ZNF678: variants seen among roughly 807,000 people sequenced by gnomAD.
ZNF678 encodes the protein hypothetical protein MGC42493.
A neutral mutation model predicts 3.0 loss-of-function variants in ZNF678; 5 were observed. The observed-to-expected ratio is 1.69, with a 90% CI of 0.88 to 3.56. ZNF678 has a LOEUF of 3.56. Among genes scored for constraint, ZNF678 ranks in the 30% most tolerant of loss-of-function variants. The pLI is 0.00. For synonymous variants in ZNF678, 218 were observed against 199.6 expected (o/e 1.09, Z -0.78); for missense variants, 593 against 605.0 (o/e 0.98, Z 0.21).
At chr1:227,594,582 T>C (rs1476082926) in intron 1 of ZNF678, among the ~76,000 whole-genome samples, 1 of 152,254 alleles carries the variant, frequency 6.6e-6, no homozygotes, top group Non-Finnish European at 1.5e-5. Context: ...ATACATATTT[T>C]TAACCTTTTG....
chr1:227,639,351 T>C (rs1048091146), intron 1 of ZNF678, among the ~76,000 whole-genome samples: 2 of 152,196 alleles, frequency 1.3e-5, no homozygotes, highest in African/African-American at 2.4e-5. Context: ...GTTTTTGCCT[T>C]TTACTTTCCC....
At chr1:227,663,106 A>C (rs1249170615), downstream of ZNF678, among the ~76,000 whole-genome samples, 1 of 152,180 alleles carries the variant, frequency 6.6e-6, no homozygotes, top group Non-Finnish European at 1.5e-5. Context: ...GGAAGACAGC[A>C]ATCTACTAGT....
At chr1:227,574,941 T>G (rs554728019) in intron 1 of ZNF678, among the ~76,000 whole-genome samples, 1 of 142,584 alleles carries the variant, frequency 7.0e-6, no homozygotes, top group East Asian at 2.0e-4. Context: ...GCTTATGGGG[T>G]TTTTTGTTGT....
At chr1:227,625,369 G>A (rs1250490076) in intron 1 of ZNF678, among the ~76,000 whole-genome samples, 2 of 152,152 alleles carry the variant, frequency 1.3e-5, no homozygotes, top group Non-Finnish European at 2.9e-5. Context: ...CCTGGTAGGG[G>A]TTGTGCAGTT....
At chr1:227,572,505 C>T (rs1482136737) in intron 1 of ZNF678, among the ~76,000 whole-genome samples, 5 of 152,096 alleles carry the variant, frequency 3.3e-5, no homozygotes, top group East Asian at 1.9e-4. Context: ...CAAAGGAGGT[C>T]GGTAAGGGGA....
rs1193636702 is a variant in ZNF678 at position 227,655,766 on chromosome 1, A to T, written c.1516A>T (p.Lys506Ter). 3.1e-6 allele frequency: 5 copies of T among 1,609,294 alleles called. No homozygotes were observed. The highest frequency in any genetic ancestry group is 4.2e-6 in the Non-Finnish European group (5 of 1,178,014). ...TTTTTACCAATCCTCAATCCATAGT[A>T]AGTATAAGAGAATTTATACTGGAGA... ...KGFYQSSIHS[K>*]YKRIYTGEEP... is the part of the protein sequence containing the mutation. The change falls in exon 4 of 4, where the codon AAG becomes TAG. Residue 506 changes from lysine to a stop codon, truncating the protein, a stop_gained. Transcript: ENST00000343776. LOFTEE classifies it low-confidence loss of function (END_TRUNC).
In ZNF678 at chr1:227,643,621, G is replaced by A. The variant is rs530426901; in HGVS notation, c.-163-2923G>A. On this transcript the variant is annotated intron_variant, in intron 1 of 3. Coordinates refer to ENST00000343776, the MANE Select transcript of ZNF678 (RefSeq NM_001367909.1). ...AAATCCAAACAGATAAATGGGAGCC[G>A]AAGACTATATTTTGGTGCCTTAATT... 1.8e-4 allele frequency among the ~76,000 whole-genome samples: 27 copies of A among 152,232 alleles called. 1 individual carries two copies. The highest frequency in any genetic ancestry group is 7.7e-4 in the East Asian group (4 of 5,184).
chr1:227,640,038 GTGGGGCATGGGCCAAAGATGGTGCC>G (rs1277102046), intron 1 of ZNF678, among the ~76,000 whole-genome samples: 1 of 152,222 alleles, frequency 6.6e-6, no homozygotes, highest in Non-Finnish European at 1.5e-5. Context: ...TGAAATAAGG[GTGGGGCATGGGCCAAAGATGGTGCC>G]TGAGCGAGTA....
intron 5 of ZNF678, among the ~76,000 whole-genome samples, chr1:227,670,931 A>C (rs1279206196): frequency 1.3e-5 from 2 of 149,896 alleles, no homozygotes; most frequent in Non-Finnish European, 1.5e-5. Context: ...AATCCTTCTC[A>C]TTCCCATTTG....
intron 1 of ZNF678, among the ~76,000 whole-genome samples, chr1:227,610,500 T>G (rs780042775): frequency 1.3e-5 from 2 of 152,242 alleles, no homozygotes; most frequent in Non-Finnish European, 2.9e-5. Context: ...ACATACCCAG[T>G]GTAGTTCACC....
chr1:227,667,032 AC>A (rs1427654405), downstream of ZNF678, among the ~76,000 whole-genome samples: 1 of 149,848 alleles, frequency 6.7e-6, no homozygotes, highest in Non-Finnish European at 1.5e-5. Context: ...GGCGTGAGCT[AC>A]CGCACCCGGC....
At chr1:227,627,965 G>A (rs188291583) in intron 1 of ZNF678, among the ~76,000 whole-genome samples, 1 of 152,322 alleles carries the variant, frequency 6.6e-6, no homozygotes, top group Admixed American at 6.5e-5. Context: ...TTGTCTGGAA[G>A]AAATGTGGGT....
At chr1:227,577,189 G>A (rs1417720720) in intron 1 of ZNF678, among the ~76,000 whole-genome samples, 2 of 152,214 alleles carry the variant, frequency 1.3e-5, no homozygotes, top group African/African-American at 4.8e-5. Flanking sequence ...TATGTGCCAT[G>A]TGGCTATGAG....
In ZNF678 at chr1:227,656,354, A is replaced by T. The variant is rs1659249498; in HGVS notation, c.*526A>T. 1 of 151,886 alleles carries T rather than the reference A, an allele frequency of 6.6e-6. No individual in the cohort carries two copies. Among genetic ancestry groups the T allele is most frequent in the Non-Finnish European group, 1.5e-5 (1 of 67,830 alleles). 9.4% of individuals were successfully genotyped at this position (151,886 alleles called of 1,614,324 possible). A position where few individuals can be genotyped will look rare whatever the true frequency, so the allele number is the denominator to read the frequency against. ...TGTATGTAAATTTAAATGAATCAAG[A>T]GATGATGTCTTTTTGAAGCACAGTT... On this transcript the variant is annotated 3_prime_UTR_variant, in exon 4 of 4. Transcript: ENST00000343776.
intron 1 of ZNF678, among the ~76,000 whole-genome samples, chr1:227,629,573 C>G (rs572589771): frequency 1.3e-5 from 2 of 152,304 alleles, no homozygotes; most frequent in South Asian, 4.1e-4. Context: ...ACTGAGAAGG[C>G]CGTGCCAGTG....
intron 1 of ZNF678, among the ~76,000 whole-genome samples, chr1:227,603,133 T>C (rs891531635): frequency 3.9e-5 from 6 of 152,174 alleles, no homozygotes; most frequent in African/African-American, 1.2e-4. Context: ...TCTCCACGTG[T>C]GAATGAAGTC....
chr1:227,672,071 A>G (rs560737392), intron 5 of ZNF678, among the ~76,000 whole-genome samples: 1 of 152,330 alleles, frequency 6.6e-6, no homozygotes, highest in African/African-American at 2.4e-5. Context: ...AAAAGTGTAC[A>G]GAGAAGAGAG....
intron 1 of ZNF678, among the ~76,000 whole-genome samples, chr1:227,618,961 G>A (rs1322318842): frequency 6.6e-6 from 1 of 152,154 alleles, no homozygotes; most frequent in African/African-American, 2.4e-5. Context: ...AGGGGCAAAG[G>A]GGAAGCAAAG....
At chr1:227,627,788 C>T (rs1286531462) in intron 1 of ZNF678, among the ~76,000 whole-genome samples, 1 of 152,174 alleles carries the variant, frequency 6.6e-6, no homozygotes, top group East Asian at 1.9e-4. Context: ...ATTCCATTAT[C>T]ACTGGCCACT....
Sources: gnomAD v4.1 joint callset for allele counts (sites outside exome capture counted in the v4.1 genomes callset) on GRCh38, gnomAD v4.1.1 for gene constraint, MANE v1.5 for transcripts, NCBI Gene and HGNC (gene_info 2026-07-23, HGNC 2026-07-21) for gene names.